CANX: variants seen among roughly 807,000 people sequenced by gnomAD.
The protein encoded by CANX is epididymis secretory sperm binding protein.
A neutral mutation model predicts 75.7 loss-of-function variants in CANX; 14 were observed. That is an observed-to-expected ratio of 0.19 (90% CI 0.12 to 0.29). The LOEUF (loss-of-function observed/expected upper bound fraction) is 0.29. CANX is among the 10% of genes least tolerant of loss of function. The pLI is 1.00. For missense variants in CANX, 567 were observed against 713.2 expected, an observed-to-expected ratio of 0.79 and a Z score of 2.34; for synonymous variants, 227 against 236.9, an observed-to-expected ratio of 0.96 and a Z score of 0.38.
At chr5:179,708,109 A>AT in intron 4 of CANX, 130 bp from the exon 5 acceptor site, 2 of 699,932 alleles carry the variant, frequency 2.9e-6, no homozygotes, top group Admixed American at 4.7e-5. Flanking sequence ...AAGTGCTGGG[A>AT]TTATAGGTGT....
At chr5:179,718,644 T>A (rs1778119684) in intron 8 of CANX, among the ~76,000 whole-genome samples, 2 of 152,204 alleles carry the variant, frequency 1.3e-5, no homozygotes. Flanking sequence ...TTCTCCTGCC[T>A]CAGCCTCCTG....
chr5:179,684,926 ATTTTTTTTTTTTTT>A (rs71001039), intron 1 of CANX, among the ~76,000 whole-genome samples: 539 of 49,172 alleles, frequency 0.011, 22 homozygotes, highest in African/African-American at 0.042. Context: ...CTAATTTTGT[ATTTTTTTTTTTTTT>A]TTTTTTTTTT....
At chr5:179,684,467 G>A (rs1038712056) in intron 1 of CANX, among the ~76,000 whole-genome samples, 1 of 149,846 alleles carries the variant, frequency 6.7e-6, no homozygotes, top group African/African-American at 2.5e-5. Flanking sequence ...AGCCTCCTGA[G>A]TAGCTGGGAC....
intron 7 of CANX, among the ~76,000 whole-genome samples, chr5:179,715,740 G>C (rs781240345): frequency 2.0e-5 from 3 of 151,834 alleles, no homozygotes; most frequent in Non-Finnish European, 4.4e-5. Context: ...GGAAGTAGTT[G>C]TAAGTCCACG....
chr5:179,715,794 TGTTA>T (rs1362235133), intron 7 of CANX: 4 of 381,130 alleles, frequency 1.0e-5, no homozygotes, highest in South Asian at 2.3e-5. Flanking sequence ...CCAATAATTG[TGTTA>T]GTTTATGTAG....
chr5:179,709,207 A>G, intron 6 of CANX, 148 bp downstream of exon 6: 1 of 582,588 alleles, frequency 1.7e-6, no homozygotes, highest in Non-Finnish European at 3.2e-6. Flanking sequence ...CGAGGTCAGG[A>G]GATTGAGACT....
rs1202356988 is a variant in CANX, at chr5:179,702,350, CAGG to C, written c.-4+3251_-4+3253del. On this transcript the variant is annotated intron_variant, in intron 1 of 14. Transcript: ENST00000247461. Reference sequence around the variant, plus strand: ...TACACGCGCGAGCCACGATGCCAACCAGGAGACCAGAAATTAAGCTCAGCTTTC... The same window carrying C: ...TACACGCGCGAGCCACGATGCCAACCAGACCAGAAATTAAGCTCAGCTTTC... Among the ~76,000 whole-genome samples the C allele has an allele frequency of 5.3e-5, 8 of 152,182 alleles. No homozygotes were observed. The South Asian group carries it at 1.7e-3, about 32-fold the overall frequency.
chr5:179,720,494 T>G lies in CANX; in HGVS notation c.1116T>G (p.Pro372=), dbSNP rs1345075738. The change falls in exon 10 of 15, where the codon CCT becomes CCG. Residue 372 remains proline, a synonymous_variant. Coordinates refer to ENST00000247461, the MANE Select transcript of CANX (RefSeq NM_001746.4). ...CTGGATGTGGTGTCTGGCAGCGACC[T>G]GTGATTGACAACCCCAATTATAAAG... ...SAPGCGVWQR[P]VIDNPNYKGK... 3.1e-6 allele frequency: 5 copies of G among 1,613,884 alleles called. No individual in the cohort carries two copies. In the East Asian group the frequency reaches 1.1e-4, roughly 36 times the overall value.
At chr5:179,702,782 T>C (rs1776856225) in intron 1 of CANX, among the ~76,000 whole-genome samples, 1 of 152,144 alleles carries the variant, frequency 6.6e-6, no homozygotes, top group South Asian at 2.1e-4. Flanking sequence ...ATTTTTTATT[T>C]TTTTGAGACA....
intron 1 of CANX, among the ~76,000 whole-genome samples, chr5:179,688,180 C>T: frequency 6.8e-6 from 1 of 147,668 alleles, no homozygotes. Flanking sequence ...CCCTCAGCCT[C>T]CCGAGTAGCT....
At chr5:179,706,475 G>A (rs1236938565) in intron 3 of CANX, 144 bp downstream of exon 3, 3 of 513,348 alleles carry the variant, frequency 5.8e-6, no homozygotes, top group South Asian at 3.1e-5. Flanking sequence ...ACAGAATTTC[G>A]CTCTTTTGCC....
chr5:179,729,061 AT>A lies in CANX; in HGVS notation c.*425del, dbSNP rs370981397. On this transcript the variant is annotated 3_prime_UTR_variant, in exon 15 of 15. Transcript: ENST00000247461. ...AGATGAGTTGCAGTTTTTATAATAG[AT>A]TTTTTTTAAAGTTTGGTATTGTAAA... 5,385 of 224,196 alleles carry A rather than the reference AT, an allele frequency of 0.024. 110 individuals carry two copies. Among genetic ancestry groups the A allele is most frequent in the Non-Finnish European group, 0.034 (3,759 of 110,146 alleles). The allele number at this position is 224,196 out of a possible 1,614,324, so 13.9% of individuals were successfully genotyped here. A position where few individuals can be genotyped will look rare whatever the true frequency, so the allele number is the denominator to read the frequency against.
chr5:179,719,997 T>A (rs911983164), intron 9 of CANX, among the ~76,000 whole-genome samples: 3 of 151,632 alleles, frequency 2.0e-5, no homozygotes, highest in Non-Finnish European at 4.4e-5. Context: ...AATTTTTGTA[T>A]TTTTTGTATT....
chr5:179,684,926 A>ATTTTTTTTTTTTTTTT lies in CANX; in HGVS notation c.-4+6164_-4+6179dup, dbSNP rs71001039. 1.4e-3 allele frequency among the ~76,000 whole-genome samples: 68 copies of ATTTTTTTTTTTTTTTT among 49,142 alleles called. 5 individuals carry two copies. Among genetic ancestry groups the ATTTTTTTTTTTTTTTT allele is most frequent in the East Asian group, 5.1e-3 (6 of 1,182 alleles). The allele number at this position is 49,142 out of a possible 152,430, so 32.2% of individuals were successfully genotyped here. Reference sequence around the variant, plus strand: ...TGCCACCACACCTGGCTAATTTTGTATTTTTTTTTTTTTTTTTTTTTTTTT... The same window carrying ATTTTTTTTTTTTTTTT: ...TGCCACCACACCTGGCTAATTTTGTATTTTTTTTTTTTTTTTTTTTTTTTTTTTTTTTTTTTTTTTT... On this transcript the variant is annotated intron_variant, in intron 1 of 14. Coordinates refer to the CANX transcript ENST00000681674.
rs1156979569 is a variant in CANX at position 179,729,166 on chromosome 5, G to C, written c.*522G>C. On this transcript the variant is annotated 3_prime_UTR_variant, in exon 15 of 15. Transcript: ENST00000247461. ...TTGTGGTTAGAATCTTGTTTTGTTT[G>C]CTTCCATTATTGAGTTCCTCCTAAG... is the stretch of plus-strand genomic sequence containing the variant. The C allele has an allele frequency of 1.2e-5, 2 of 168,530 alleles. No individual in the cohort carries two copies. Among genetic ancestry groups the C allele is most frequent in the Admixed American group, 1.2e-4 (2 of 16,234 alleles). 10.4% of individuals were successfully genotyped at this position (168,530 alleles called of 1,614,324 possible). A position where few individuals can be genotyped will look rare whatever the true frequency, so the allele number is the denominator to read the frequency against.
Position 179,730,387 on chromosome 5 carries a change from C to T in CANX, c.*1743C>T, listed in dbSNP as rs1214312047. 3 of 152,156 alleles carry T rather than the reference C, an allele frequency of 2.0e-5. No individual in the cohort carries two copies. Among genetic ancestry groups the T allele is most frequent in the Non-Finnish European group, 4.4e-5 (3 of 68,034 alleles). 9.4% of individuals were successfully genotyped at this position (152,156 alleles called of 1,614,324 possible). On this transcript the variant is annotated 3_prime_UTR_variant, in exon 15 of 15. Transcript: ENST00000247461. ...ATCTGTTGTTCTGTGGTCACAGTGA[C>T]CTTAGCTACATAGCAGACTTTCCCA...
At chr5:179,710,474 G>A (rs935736880) in intron 7 of CANX, among the ~76,000 whole-genome samples, 33 of 150,500 alleles carry the variant, frequency 2.2e-4, no homozygotes, top group Non-Finnish European at 4.1e-4. Flanking sequence ...TTGGGAGGCC[G>A]AGGCGGGTGG....
intron 1 of CANX, among the ~76,000 whole-genome samples, chr5:179,680,069 C>T (rs1488148451): frequency 1.3e-5 from 2 of 150,576 alleles, no homozygotes; most frequent in East Asian, 3.9e-4. Context: ...CGCCTCAGCG[C>T]CAAAGTGCTG....
intron 7 of CANX, among the ~76,000 whole-genome samples, chr5:179,712,210 GTTATAT>G (rs568266945): frequency 4.3e-4 from 64 of 149,334 alleles, no homozygotes; most frequent in Non-Finnish European, 6.4e-4. Context: ...AATAGAATAA[GTTATAT>G]TTATAATTAT....
Sources: gnomAD v4.1 joint callset for allele counts (sites outside exome capture counted in the v4.1 genomes callset) on GRCh38, gnomAD v4.1.1 for gene constraint, MANE v1.5 for transcripts, NCBI Gene and HGNC (gene_info 2026-07-23, HGNC 2026-07-21) for gene names.